The following TUT4 variants were observed in gnomAD, a reference collection of about 807,000 sequenced individuals.
The protein encoded by TUT4 is terminal uridylyltransferase 4.
Under a neutral mutation model 192.2 loss-of-function variants are expected in TUT4, and 36 were observed. The ratio of observed to expected loss-of-function variants is 0.19; its 90% CI spans 0.14 to 0.25. The LOEUF is 0.25. Ranked by LOEUF, TUT4 falls within the 10% of genes least tolerant of loss-of-function variation. The pLI, the probability that TUT4 is intolerant of heterozygous loss-of-function variation, is 1.00. For missense variants in TUT4, 1,493 were observed against 1,957.2 expected, an observed-to-expected ratio of 0.76 and a Z score of 4.47; for synonymous variants, 618 against 666.0, an observed-to-expected ratio of 0.93 and a Z score of 1.11.
At chr1:52,480,341 T>C (rs1306298917) in intron 11 of TUT4, among the ~76,000 whole-genome samples, 2 of 152,168 alleles carry the variant, frequency 1.3e-5, no homozygotes, top group Non-Finnish European at 2.9e-5. Context: ...AGTAATTAAC[T>C]GGCAAGTGTT....
At chr1:52,492,940 C>T (rs981425354) in intron 7 of TUT4, among the ~76,000 whole-genome samples, 3 of 152,050 alleles carry the variant, frequency 2.0e-5, no homozygotes, top group African/African-American at 7.2e-5. Flanking sequence ...ATTTTTATTC[C>T]AAGTCTCTCC....
intron 20 of TUT4, among the ~76,000 whole-genome samples, chr1:52,452,923 G>T (rs535212354): frequency 6.6e-6 from 1 of 152,122 alleles, no homozygotes; most frequent in Non-Finnish European, 1.5e-5. Context: ...GGACTGAGCC[G>T]TCAACCAGTG....
intron 4 of TUT4, among the ~76,000 whole-genome samples, chr1:52,505,682 A>G (rs1420390346): frequency 1.3e-5 from 2 of 151,886 alleles, no homozygotes; most frequent in Non-Finnish European, 2.9e-5. Context: ...TCAGCCTCCC[A>G]AAGTGCTGGG....
intron 20 of TUT4, among the ~76,000 whole-genome samples, chr1:52,451,265 CAA>C (rs1187175281): frequency 7.8e-5 from 8 of 102,938 alleles, no homozygotes; most frequent in African/African-American, 1.1e-4. Context: ...GACTCTGTCT[CAA>C]AAAAAAAAAA....
At chr1:52,463,425 G>A (rs1663167356) in intron 16 of TUT4, 10 of 1,019,970 alleles carry the variant, frequency 9.8e-6, no homozygotes, top group African/African-American at 1.7e-5. Flanking sequence ...AACTTCTTAT[G>A]GCCAGAAGTT....
At chr1:52,520,804 T>C (rs1197206383) in intron 2 of TUT4, among the ~76,000 whole-genome samples, 2 of 152,300 alleles carry the variant, frequency 1.3e-5, no homozygotes, top group East Asian at 1.9e-4. Flanking sequence ...TATTTTCTTT[T>C]TTTTTGAGAT....
At chr1:52,489,718 G>A (rs545514294) in intron 8 of TUT4, among the ~76,000 whole-genome samples, 6 of 152,192 alleles carry the variant, frequency 3.9e-5, no homozygotes, top group Middle Eastern at 3.4e-3. Context: ...AACACTAAAG[G>A]TCACTTTGCC....
intron 1 of TUT4, among the ~76,000 whole-genome samples, chr1:52,528,548 T>A (rs17101194): frequency 0.022 from 3,305 of 151,810 alleles, 108 homozygotes; most frequent in African/African-American, 0.074. Flanking sequence ...TACTATTCAC[T>A]TTGCCCTATA....
intron 1 of TUT4, among the ~76,000 whole-genome samples, chr1:52,535,564 AC>A (rs1182769676): frequency 6.6e-6 from 1 of 152,166 alleles, no homozygotes; most frequent in East Asian, 1.9e-4. Context: ...AAGCGTACCA[AC>A]ATATGCATAA....
chr1:52,510,317 CAA>C (rs200690805), intron 3 of TUT4, among the ~76,000 whole-genome samples: 31 of 78,602 alleles, frequency 3.9e-4, no homozygotes, highest in South Asian at 8.9e-4. Context: ...TTCGTATTAA[CAA>C]AAAAAAAAAA....
intron 4 of TUT4, among the ~76,000 whole-genome samples, chr1:52,506,017 C>T (rs1050139060): frequency 2.0e-5 from 3 of 151,842 alleles, no homozygotes; most frequent in Non-Finnish European, 2.9e-5. Context: ...CGGGGTTCAC[C>T]ATGTTGGCCA....
intron 1 of TUT4, among the ~76,000 whole-genome samples, chr1:52,544,160 G>A (rs1343498301): frequency 6.6e-5 from 10 of 151,902 alleles, no homozygotes; most frequent in African/African-American, 1.5e-4. Context: ...GGTGGTGGGC[G>A]CCTGTAGTCC....
intron 15 of TUT4, 69 bp from the exon 16 acceptor site, chr1:52,465,242 G>T: frequency 9.6e-7 from 1 of 1,043,774 alleles, no homozygotes; most frequent in Non-Finnish European, 1.4e-6. Context: ...GCTATCTGCT[G>T]ATGACCTAAT....
In TUT4 at chr1:52,427,911, G is replaced by A. The variant is rs571868626; in HGVS notation, c.4712-2404C>T. On this transcript the variant is annotated intron_variant, in intron 28 of 29. Coordinates refer to ENST00000257177, the MANE Select transcript of TUT4 (RefSeq NM_001009881.3). ...AACTGGAAATACACGGACCCACCAA[G>A]CAGCATTCTTACCAACAGAAAGAGC... Among the ~76,000 whole-genome samples, 4 of 152,276 alleles carry A rather than the reference G, an allele frequency of 2.6e-5. No individual in the cohort carries two copies. The South Asian group carries it at 8.3e-4, about 32-fold the overall frequency.
At chr1:52,437,404 C>G (rs1024823327) in intron 25 of TUT4, 3 of 164,430 alleles carry the variant, frequency 1.8e-5, no homozygotes, top group African/African-American at 7.2e-5. Flanking sequence ...ATCTTCCTGA[C>G]CTACTACAGT....
At chr1:52,492,819 A>T (rs1032685887) in intron 7 of TUT4, among the ~76,000 whole-genome samples, 1 of 152,252 alleles carries the variant, frequency 6.6e-6, no homozygotes, top group African/African-American at 2.4e-5. Context: ...AGACAGAAAA[A>T]GCACACATGA....
At chr1:52,470,905 C>T (rs1240058398) in intron 14 of TUT4, among the ~76,000 whole-genome samples, 8 of 151,900 alleles carry the variant, frequency 5.3e-5, no homozygotes, top group African/African-American at 1.7e-4. Context: ...GCATGCAAGC[C>T]GTTCCCCAAA....
chr1:52,482,021 T>G (rs752591480), intron 9 of TUT4, 98 bp from the exon 10 acceptor site: 8 of 1,019,908 alleles, frequency 7.8e-6, no homozygotes, highest in African/African-American at 1.7e-5. Context: ...TGTAAAAAGT[T>G]CAAATGACAA....
chr1:52,489,415 A>G (rs998727405), intron 8 of TUT4, among the ~76,000 whole-genome samples: 4 of 152,216 alleles, frequency 2.6e-5, no homozygotes, highest in Admixed American at 2.0e-4. Context: ...TCCTAGTTCA[A>G]TCCTCTTGCT....
Sources: allele counts gnomAD v4.1 joint callset (sites outside exome capture counted in the v4.1 genomes callset), GRCh38; gene constraint gnomAD v4.1.1; transcripts MANE v1.5; gene names NCBI Gene and HGNC (gene_info 2026-07-23, HGNC 2026-07-21).